MEF2A: variants seen among roughly 807,000 people sequenced by gnomAD.
MEF2A encodes myocyte enhancer factor 2A.
MEF2A carries 28 observed loss-of-function variants against 55.8 expected under a neutral mutation model. That is an observed-to-expected ratio of 0.50 (90% CI 0.37 to 0.69). The LOEUF (loss-of-function observed/expected upper bound fraction) is 0.69, where lower values mean the gene tolerates loss of function less well. MEF2A is among the 30% of genes least tolerant of loss of function. MEF2A has a pLI of 0.00. For missense variants in MEF2A, 528 were observed against 626.2 expected (o/e 0.84, Z 1.67); for synonymous variants, 239 against 227.1 (o/e 1.05, Z -0.47).
At chr15:99,652,147 T>C (rs1315718766) in intron 4 of MEF2A, among the ~76,000 whole-genome samples, 2 of 152,278 alleles carry the variant, frequency 1.3e-5, no homozygotes, top group African/African-American at 4.8e-5. Context: ...TCACCAGAGT[T>C]CTTTAAAGCA....
At chr15:99,682,497 AT>A (rs975555221) in intron 7 of MEF2A, among the ~76,000 whole-genome samples, 7 of 152,342 alleles carry the variant, frequency 4.6e-5, no homozygotes, top group African/African-American at 1.4e-4. Flanking sequence ...TATCTGAAAA[AT>A]ATCTTCATTT....
chr15:99,676,672 A>T (rs1296610103), intron 7 of MEF2A, among the ~76,000 whole-genome samples: 3 of 151,412 alleles, frequency 2.0e-5, no homozygotes, highest in Non-Finnish European at 4.4e-5. Context: ...TCCCGGGTTC[A>T]CGCCATTCTG....
intron 7 of MEF2A, chr15:99,681,663 A>G (rs1269794087): frequency 6.6e-6 from 1 of 152,192 alleles, no homozygotes; most frequent in Non-Finnish European, 1.5e-5. Flanking sequence ...AGCATTGCCT[A>G]TTTTTGTTAT....
chr15:99,712,898 T>G lies in MEF2A; in HGVS notation c.*127T>G. 1 of 1,063,754 alleles carries G rather than the reference T, an allele frequency of 9.4e-7. No individual in the cohort carries two copies. The highest frequency in any genetic ancestry group is 1.3e-6 in the Non-Finnish European group (1 of 756,320). The allele number at this position is 1,063,754 out of a possible 1,614,324, so 65.9% of individuals were successfully genotyped here. A position where few individuals can be genotyped will look rare whatever the true frequency, so the allele number is the denominator to read the frequency against. On this transcript the variant is annotated 3_prime_UTR_variant, in exon 12 of 12. Coordinates refer to ENST00000557942, the MANE Select transcript of MEF2A (RefSeq NM_001319206.4). The surrounding 1 kb of genome is among the most constrained non-coding windows in gnomAD (Gnocchi z 4.1). ...ATACATATATATATCCCTTTACATATATATGTATGTGGGTGTGAGTGTGTA... is the reference window on the plus strand; with the variant it reads ...ATACATATATATATCCCTTTACATAGATATGTATGTGGGTGTGAGTGTGTA...
intron 1 of MEF2A, among the ~76,000 whole-genome samples, chr15:99,594,740 C>G (rs1179173033): frequency 6.6e-6 from 1 of 152,230 alleles, no homozygotes; most frequent in East Asian, 1.9e-4. Flanking sequence ...CTTATTACAT[C>G]ACATTATTTC....
intron 3 of MEF2A, among the ~76,000 whole-genome samples, chr15:99,636,829 G>T (rs2043950517): frequency 6.6e-6 from 1 of 151,244 alleles, no homozygotes; most frequent in African/African-American, 2.4e-5. Context: ...TCATGTTTTA[G>T]ACCTGTTATC....
chr15:99,699,976 GTGTGTGTGTATATA>G (rs796254411), intron 8 of MEF2A, among the ~76,000 whole-genome samples: 136 of 99,982 alleles, frequency 1.4e-3, no homozygotes, highest in South Asian at 0.01. Context: ...GTGTGTGTGT[GTGTGTGTGTATATA>G]TATATATATA....
chr15:99,659,270 G>T (rs144227295), intron 4 of MEF2A, among the ~76,000 whole-genome samples: 2 of 152,022 alleles, frequency 1.3e-5, no homozygotes, highest in African/African-American at 2.4e-5. Flanking sequence ...GTTGGGATTG[G>T]GGGGTGGGGC....
intron 1 of MEF2A, among the ~76,000 whole-genome samples, chr15:99,591,442 T>C (rs1969256540): frequency 6.6e-6 from 1 of 152,182 alleles, no homozygotes; most frequent in Non-Finnish European, 1.5e-5. Flanking sequence ...GTCTTTCCAC[T>C]TCTTTGGCTT....
chr15:99,614,389 C>G (rs1361600996), intron 2 of MEF2A, among the ~76,000 whole-genome samples: 1 of 152,090 alleles, frequency 6.6e-6, no homozygotes. Flanking sequence ...GCGCCAAGCC[C>G]AACAATAACT....
intron 10 of MEF2A, among the ~76,000 whole-genome samples, chr15:99,709,044 A>G (rs2058342165): frequency 6.6e-6 from 1 of 152,200 alleles, no homozygotes. Flanking sequence ...CATATTTGTT[A>G]TTTTAAAAAG....
chr15:99,703,498 CTATT>C, intron 9 of MEF2A, 113 bp downstream of exon 9: 1 of 992,072 alleles, frequency 1.0e-6, no homozygotes, highest in Non-Finnish European at 1.5e-6. Flanking sequence ...TTTTTAAACA[CTATT>C]CAAACACTTT....
At chr15:99,661,920 C>G (rs1395053025) in intron 4 of MEF2A, among the ~76,000 whole-genome samples, 1 of 151,766 alleles carries the variant, frequency 6.6e-6, no homozygotes, top group Admixed American at 6.6e-5. Flanking sequence ...GCTTTTTTTT[C>G]AAGCCATGTA....
chr15:99,584,418 T>C (rs558662538), intron 1 of MEF2A, among the ~76,000 whole-genome samples: 1 of 152,300 alleles, frequency 6.6e-6, no homozygotes, highest in South Asian at 2.1e-4. Context: ...AGGTAAAAAG[T>C]TGAAATCACC....
chr15:99,701,188 C>T (rs577627894), intron 8 of MEF2A, among the ~76,000 whole-genome samples: 3 of 152,254 alleles, frequency 2.0e-5, no homozygotes, highest in South Asian at 2.1e-4. Flanking sequence ...CTGCCTTAAC[C>T]GGAGGATCAA....
chr15:99,712,443 ACAT>A lies in MEF2A; in HGVS notation c.1193_1195del (p.Ile398del), dbSNP rs1180376920. On this transcript the variant is annotated inframe_deletion, in exon 12 of 12. Transcript: ENST00000557942. This position sits in a 1 kb window ranked among gnomAD's most constrained non-coding sequence, Gnocchi z 4.1. ...AATTTATCCATTAATACCAACCAAAACATCAGCATCAAGTCCGAACCGATTTCA... is the reference window on the plus strand; with the variant it reads ...AATTTATCCATTAATACCAACCAAAACAGCATCAAGTCCGAACCGATTTCA... 2 of 1,549,974 alleles carry A rather than the reference ACAT, an allele frequency of 1.3e-6. No individual in the cohort carries two copies. Among genetic ancestry groups the A allele is most frequent in the South Asian group, 2.4e-5 (2 of 83,922 alleles).
At chr15:99,682,746 T>C (rs2053473768) in intron 7 of MEF2A, among the ~76,000 whole-genome samples, 1 of 152,248 alleles carries the variant, frequency 6.6e-6, no homozygotes, top group African/African-American at 2.4e-5. Flanking sequence ...GTTACCATCA[T>C]GTCATATCTA....
chr15:99,644,154 T>C (rs2045542523), intron 3 of MEF2A, among the ~76,000 whole-genome samples: 1 of 152,158 alleles, frequency 6.6e-6, no homozygotes, highest in South Asian at 2.1e-4. Flanking sequence ...AGAGAAAACA[T>C]AAGGTTTTGA....
At chr15:99,647,300 GCTT>G (rs1018671323) in intron 4 of MEF2A, among the ~76,000 whole-genome samples, 4 of 152,012 alleles carry the variant, frequency 2.6e-5, no homozygotes, top group Non-Finnish European at 4.4e-5. Flanking sequence ...GTTTAAAATA[GCTT>G]CTTATCTTAT....
Sources: gnomAD v4.1 joint callset for allele counts (sites outside exome capture counted in the v4.1 genomes callset) on GRCh38, gnomAD v4.1.1 for gene constraint, Gnocchi (gnomAD v3.1) non-coding constraint, MANE v1.5 for transcripts, NCBI Gene and HGNC (gene_info 2026-07-23, HGNC 2026-07-21) for gene names.